SLC26A4: variants seen among roughly 807,000 people sequenced by gnomAD.
The protein encoded by SLC26A4 is pendrin.
In SLC26A4, 93 loss-of-function variants were observed where a neutral mutation model predicts 90.4. The observed-to-expected ratio is 1.03, with a 90% CI of 0.87 to 1.22. The LOEUF (loss-of-function observed/expected upper bound fraction) is 1.22, where lower values mean the gene tolerates loss of function less well. SLC26A4 is among the 50% of genes most tolerant of loss of function. SLC26A4 has a pLI of 0.00. For missense variants in SLC26A4, 1,127 were observed against 946.2 expected, an observed-to-expected ratio of 1.19 and a Z score of -2.51; for synonymous variants, 393 against 354.6, an observed-to-expected ratio of 1.11 and a Z score of -1.22.
chr7:107,673,031 A>G (rs1790917342), intron 4 of SLC26A4, among the ~76,000 whole-genome samples: 3 of 152,346 alleles, frequency 2.0e-5, no homozygotes, highest in Admixed American at 2.0e-4. Flanking sequence ...GTATTTCCTT[A>G]GAAGGAGATC....
chr7:107,702,333 G>C (rs1033329835), intron 17 of SLC26A4, among the ~76,000 whole-genome samples: 1 of 152,082 alleles, frequency 6.6e-6, no homozygotes, highest in Non-Finnish European at 1.5e-5. Context: ...AGGTAATGAT[G>C]GTATCTACCT....
chr7:107,696,148 G>A (rs894982101), intron 13 of SLC26A4, 109 bp downstream of exon 13: 9 of 772,890 alleles, frequency 1.2e-5, no homozygotes, highest in Middle Eastern at 2.3e-4. Flanking sequence ...TATAGTTACT[G>A]TATATTGAGT....
At chr7:107,679,718 T>C (rs1791125595) in intron 6 of SLC26A4, among the ~76,000 whole-genome samples, 1 of 150,408 alleles carries the variant, frequency 6.6e-6, no homozygotes, top group Non-Finnish European at 1.5e-5. Context: ...ACTATTAACA[T>C]ACTTTATGGT....
rs1031582824 is a variant in SLC26A4, at chr7:107,693,498, C to T, written c.1264-905C>T. 9.8e-5 allele frequency: 97 copies of T among 985,490 alleles called. No homozygotes were observed. The African/African-American group carries it at 1.5e-3, about 16-fold the overall frequency. The allele number at this position is 985,490 out of a possible 1,614,324, so 61.0% of individuals were successfully genotyped here. On this transcript the variant is annotated intron_variant, in intron 10 of 20. Transcript: ENST00000644269. ...CTCAACAAAATCTTCCCAGTTGTTT[C>T]CTCTCTGATTGCTTTGCTTGTAGTT...
intron 6 of SLC26A4, among the ~76,000 whole-genome samples, chr7:107,676,025 T>C (rs1355274006): frequency 1.3e-5 from 2 of 152,268 alleles, no homozygotes; most frequent in South Asian, 4.1e-4. Flanking sequence ...ACTTGATTTC[T>C]AGCCTCAGCT....
chr7:107,698,124 G>A lies in SLC26A4; in HGVS notation c.1614+13G>A, dbSNP rs761951190. Reference sequence around the variant, plus strand: ...GAATTACAAAAACGTAAGTACCTTTGTGAGACATTTGCTGGACTTGGGTTT... The same window carrying A: ...GAATTACAAAAACGTAAGTACCTTTATGAGACATTTGCTGGACTTGGGTTT... On this transcript the variant is annotated intron_variant, in intron 14 of 20. Transcript: ENST00000644269. 6.4e-7 allele frequency: 1 copy of A among 1,564,250 alleles called. No individual in the cohort carries two copies.
At chr7:107,698,160 A>G in intron 14 of SLC26A4, 49 bp downstream of exon 14, 2 of 1,178,756 alleles carry the variant, frequency 1.7e-6, no homozygotes, top group African/African-American at 3.0e-5. Flanking sequence ...ACTAGCCTGA[A>G]GTTTCAGCAG....
In SLC26A4 at chr7:107,661,620, G is replaced by A; in HGVS notation, c.-3-19G>A. On this transcript the variant is annotated intron_variant, in intron 1 of 20. Coordinates refer to ENST00000644269, the MANE Select transcript of SLC26A4 (RefSeq NM_000441.2). This position sits in a 1 kb window ranked among gnomAD's most constrained non-coding sequence, Gnocchi z 5.1. ...CGCTTACCGCGTGTCCTCCCTCCTC[G>A]CTGTCCTCTGGCTCGCAGGTCATGG... 6.5e-7 allele frequency: 1 copy of A among 1,549,100 alleles called. No homozygotes were observed.
intron 6 of SLC26A4, among the ~76,000 whole-genome samples, chr7:107,677,574 T>A (rs1159185519): frequency 6.6e-6 from 1 of 152,094 alleles, no homozygotes; most frequent in Admixed American, 6.6e-5. Context: ...ATATGTTTTT[T>A]CCTGTCAAAT....
At chr7:107,663,267 G>T (rs773519065) in intron 2 of SLC26A4, 29 bp from the exon 3 acceptor site, 36 of 1,613,880 alleles carry the variant, frequency 2.2e-5, no homozygotes, top group Non-Finnish European at 3.1e-5. Flanking sequence ...AGATTGGATT[G>T]AAAACCCAGT....
At chr7:107,673,849 C>T (rs2129311665) in intron 4 of SLC26A4, among the ~76,000 whole-genome samples, 1 of 152,248 alleles carries the variant, frequency 6.6e-6, no homozygotes, top group African/African-American at 2.4e-5. Context: ...CCACCTCAGC[C>T]TCCCGAGTAG....
At chr7:107,695,379 C>T (rs1185774612) in intron 12 of SLC26A4, among the ~76,000 whole-genome samples, 1 of 152,066 alleles carries the variant, frequency 6.6e-6, no homozygotes, top group African/African-American at 2.4e-5. Context: ...AATGATAATT[C>T]CCTTATGAAC....
At chr7:107,680,936 GGGTCATTCATCAGAAAACTGATTAT>G (rs1456764430) in intron 6 of SLC26A4, among the ~76,000 whole-genome samples, 9 of 152,070 alleles carry the variant, frequency 5.9e-5, no homozygotes, top group Non-Finnish European at 1.3e-4. Flanking sequence ...GAATTAATTA[GGGTCATTCATCAGAAAACTGATTAT>G]GTAAAGGACC....
intron 6 of SLC26A4, among the ~76,000 whole-genome samples, chr7:107,676,702 C>T (rs1233894072): frequency 6.6e-6 from 1 of 152,172 alleles, no homozygotes; most frequent in Non-Finnish European, 1.5e-5. Flanking sequence ...CAATGTAAGG[C>T]CATGTACACA....
chr7:107,664,209 G>A (rs1204797794), intron 3 of SLC26A4, among the ~76,000 whole-genome samples: 2 of 152,134 alleles, frequency 1.3e-5, no homozygotes, highest in South Asian at 2.1e-4. Context: ...ATATCCACAC[G>A]TGGATCTTTT....
chr7:107,714,023 T>C (rs1792269840), intron 20 of SLC26A4, among the ~76,000 whole-genome samples: 1 of 152,064 alleles, frequency 6.6e-6, no homozygotes, highest in African/African-American at 2.4e-5. Context: ...CAAGAGATTC[T>C]CACGTGTGCC....
At chr7:107,663,639 G>A (rs1562818784) in intron 3 of SLC26A4, among the ~76,000 whole-genome samples, 1 of 152,098 alleles carries the variant, frequency 6.6e-6, no homozygotes, top group Non-Finnish European at 1.5e-5. Context: ...TAGGTGCAGA[G>A]GTCCAATTTA....
intron 18 of SLC26A4, among the ~76,000 whole-genome samples, chr7:107,708,089 C>T (rs1478399529): frequency 2.0e-5 from 3 of 152,170 alleles, no homozygotes; most frequent in Non-Finnish European, 2.9e-5. Flanking sequence ...TAAACCAATC[C>T]TCTGAGAAAA....
At chr7:107,680,094 TA>T (rs1791167313) in intron 6 of SLC26A4, among the ~76,000 whole-genome samples, 1 of 94,208 alleles carries the variant, frequency 1.1e-5, no homozygotes. Context: ...TCTTATTATA[TA>T]ATCTTATCTT....
Sources: allele counts gnomAD v4.1 joint callset (sites outside exome capture counted in the v4.1 genomes callset), GRCh38; gene constraint gnomAD v4.1.1; non-coding constraint Gnocchi (gnomAD v3.1); transcripts MANE v1.5; gene names NCBI Gene and HGNC (gene_info 2026-07-23, HGNC 2026-07-21).